KIF13B: variants seen among roughly 807,000 people sequenced by gnomAD.
KIF13B encodes the protein kinesin-like protein KIF13B.
A neutral mutation model predicts 222.0 loss-of-function variants in KIF13B; 127 were observed. The ratio of observed to expected loss-of-function variants is 0.57; its 90% CI spans 0.50 to 0.66. KIF13B has a LOEUF of 0.66. KIF13B is among the 30% of genes least tolerant of loss of function. The pLI is 0.00. For synonymous variants in KIF13B, 976 were observed against 919.0 expected, an observed-to-expected ratio of 1.06 and a Z score of -1.12; for missense variants, 2,173 against 2,379.0, an observed-to-expected ratio of 0.91 and a Z score of 1.80.
intron 10 of KIF13B, among the ~76,000 whole-genome samples, chr8:29,168,123 T>A (rs1038630035): frequency 1.3e-5 from 2 of 152,232 alleles, no homozygotes; most frequent in African/African-American, 2.4e-5. Context: ...CAAAAAAGTA[T>A]GTTAAAGCAA....
intron 2 of KIF13B, among the ~76,000 whole-genome samples, chr8:29,211,444 G>GCCAGGAAGGGGGAA (rs1554619349): frequency 0.021 from 3,200 of 152,150 alleles, 48 homozygotes; most frequent in Non-Finnish European, 0.031. Context: ...TACTTTCCTG[G>GCCAGGAAGGGGGAA]CCCAGGCCAG....
intron 2 of KIF13B, among the ~76,000 whole-genome samples, chr8:29,239,142 C>G (rs531083821): frequency 1.3e-5 from 2 of 152,196 alleles, no homozygotes; most frequent in African/African-American, 2.4e-5. Context: ...GCCCAGCCCC[C>G]CAAACCATAC....
chr8:29,084,872 C>T (rs1334410096), intron 37 of KIF13B, among the ~76,000 whole-genome samples: 1 of 152,234 alleles, frequency 6.6e-6, no homozygotes, highest in South Asian at 2.1e-4. Context: ...AGATTAGTTA[C>T]TAAACTTGCA....
intron 1 of KIF13B, among the ~76,000 whole-genome samples, chr8:29,262,630 G>C (rs990115818): frequency 6.6e-6 from 1 of 151,726 alleles, no homozygotes; most frequent in East Asian, 1.9e-4. Context: ...GAGGCTGAGG[G>C]GCCAGGACGA....
At chr8:29,082,727 TAA>T (rs747962607) in intron 37 of KIF13B, among the ~76,000 whole-genome samples, 47 of 152,342 alleles carry the variant, frequency 3.1e-4, no homozygotes, top group Non-Finnish European at 6.2e-4. Flanking sequence ...ACATATATTT[TAA>T]AAGATAGAAT....
intron 17 of KIF13B, 113 bp from the exon 18 acceptor site, chr8:29,146,653 C>G (rs1326052411): frequency 1.1e-6 from 1 of 943,088 alleles, no homozygotes; most frequent in Non-Finnish European, 1.6e-6. Flanking sequence ...TGAGCTTTTT[C>G]CGTGGTCGTC....
At chr8:29,089,613 G>A (rs1490065528) in intron 37 of KIF13B, among the ~76,000 whole-genome samples, 1 of 152,140 alleles carries the variant, frequency 6.6e-6, no homozygotes, top group Non-Finnish European at 1.5e-5. Context: ...TCAGAAATGG[G>A]CCAGGTGTGG....
intron 2 of KIF13B, among the ~76,000 whole-genome samples, chr8:29,237,910 A>G (rs553128730): frequency 6.6e-6 from 1 of 152,216 alleles, no homozygotes; most frequent in Non-Finnish European, 1.5e-5. Flanking sequence ...ATCATATACA[A>G]CTTCTGAGTA....
At chr8:29,255,890 T>C (rs572224516) in intron 1 of KIF13B, among the ~76,000 whole-genome samples, 1 of 152,266 alleles carries the variant, frequency 6.6e-6, no homozygotes, top group South Asian at 2.1e-4. Context: ...ACAACATTGC[T>C]TTCACCTGAT....
intron 31 of KIF13B, among the ~76,000 whole-genome samples, chr8:29,114,081 G>A (rs1444610199): frequency 6.6e-6 from 1 of 152,170 alleles, no homozygotes; most frequent in Non-Finnish European, 1.5e-5. Flanking sequence ...GCACAGTTAG[G>A]AATTGAACTG....
chr8:29,139,938 T>A (rs1810734924), intron 21 of KIF13B, 125 bp downstream of exon 21: 1 of 822,662 alleles, frequency 1.2e-6, no homozygotes, highest in South Asian at 1.8e-5. Flanking sequence ...TCTAAAGACC[T>A]GCAGTTCTCA....
intron 2 of KIF13B, among the ~76,000 whole-genome samples, chr8:29,228,986 T>C (rs1311610936): frequency 6.7e-6 from 1 of 148,848 alleles, no homozygotes. Flanking sequence ...GTCAACATCC[T>C]GATAAACACA....
intron 35 of KIF13B, among the ~76,000 whole-genome samples, chr8:29,100,345 A>C (rs1808730922): frequency 6.6e-6 from 1 of 152,196 alleles, no homozygotes; most frequent in South Asian, 2.1e-4. Flanking sequence ...TAAATCTTTT[A>C]AATGCTTTAA....
intron 1 of KIF13B, among the ~76,000 whole-genome samples, chr8:29,258,402 C>T (rs927835804): frequency 1.3e-5 from 2 of 152,190 alleles, no homozygotes; most frequent in Admixed American, 6.5e-5. Context: ...TGGGATCTAG[C>T]AATCTTTCCC....
chr8:29,105,721 C>T (rs370103192), intron 35 of KIF13B, among the ~76,000 whole-genome samples: 2 of 126,024 alleles, frequency 1.6e-5, no homozygotes, highest in Admixed American at 1.1e-4. Flanking sequence ...TGCAGTGGCA[C>T]GATCTTGGCT....
chr8:29,094,349 C>T (rs1298220922), intron 36 of KIF13B, among the ~76,000 whole-genome samples: 1 of 152,224 alleles, frequency 6.6e-6, no homozygotes, highest in Non-Finnish European at 1.5e-5. Context: ...GTCTACTCTA[C>T]AAGAACCTAG....
intron 14 of KIF13B, 97 bp downstream of exon 14, chr8:29,155,629 T>C: frequency 9.7e-7 from 1 of 1,025,944 alleles, no homozygotes; most frequent in Non-Finnish European, 1.5e-6. Context: ...TTACTTAATG[T>C]GGTCAACTTA....
rs114007866 is a variant in KIF13B, at chr8:29,123,580, T to C, written c.3353-88A>G. 206 of 1,531,434 alleles carry C rather than the reference T, an allele frequency of 1.3e-4. 1 individual carries two copies. The African/African-American group carries it at 2.7e-3, about 20-fold the overall frequency. The allele number at this position is 1,531,434 out of a possible 1,614,324, so 94.9% of individuals were successfully genotyped here. A position where few individuals can be genotyped will look rare whatever the true frequency, so the allele number is the denominator to read the frequency against. ...GAGTAAAGACTGGATTTGCCTATAT[T>C]TCAATTATTAGCTCACAAGTGCTCC... On this transcript the variant is annotated intron_variant, in intron 27 of 39. Transcript: ENST00000524189.
chr8:29,096,437 T>TA (rs776879889), intron 36 of KIF13B, among the ~76,000 whole-genome samples: 27 of 151,316 alleles, frequency 1.8e-4, no homozygotes, highest in Admixed American at 5.3e-4. Flanking sequence ...GTAGAGGGAC[T>TA]ACAAGTGTGT....
Sources: gnomAD v4.1 joint callset for allele counts (sites outside exome capture counted in the v4.1 genomes callset) on GRCh38, gnomAD v4.1.1 for gene constraint, MANE v1.5 for transcripts, NCBI Gene and HGNC (gene_info 2026-07-23, HGNC 2026-07-21) for gene names.